The following GALNT17 variants were observed in gnomAD, a reference collection of about 807,000 sequenced individuals.
GALNT17 encodes polypeptide N-acetylgalactosaminyltransferase 17, also known as UDP-GalNAc:polypeptide N-acetylgalactosaminyltransferase-like 3.
In GALNT17, 29 loss-of-function variants were observed where a neutral mutation model predicts 63.7. The ratio of observed to expected loss-of-function variants is 0.46; its 90% CI spans 0.34 to 0.62. GALNT17 has a LOEUF of 0.62. Among genes scored for constraint, GALNT17 ranks in the 20% least tolerant of loss-of-function variants. The pLI is 0.01. For synonymous variants in GALNT17, 305 were observed against 318.3 expected (o/e 0.96, Z 0.45); for missense variants, 603 against 799.6 (o/e 0.75, Z 2.97).
chr7:71,380,281 G>C (rs1213859954), intron 2 of GALNT17, among the ~76,000 whole-genome samples: 1 of 151,914 alleles, frequency 6.6e-6, no homozygotes, highest in Admixed American at 6.6e-5. Context: ...TGTCAATTAA[G>C]CCAATTAAGG....
At chr7:71,138,765 G>GGT (rs1787833103) in intron 1 of GALNT17, among the ~76,000 whole-genome samples, 1 of 152,152 alleles carries the variant, frequency 6.6e-6, no homozygotes, top group South Asian at 2.1e-4. Context: ...CTTGGGCCCA[G>GGT]GAGTTCCAGA....
chr7:71,504,911 CT>C (rs903266423), intron 5 of GALNT17, among the ~76,000 whole-genome samples: 2 of 152,132 alleles, frequency 1.3e-5, no homozygotes, highest in Non-Finnish European at 2.9e-5. Flanking sequence ...CATCTCTCCC[CT>C]GGGTCTCTCT....
At chr7:71,492,976 T>C (rs1788035313) in intron 5 of GALNT17, among the ~76,000 whole-genome samples, 3 of 152,320 alleles carry the variant, frequency 2.0e-5, no homozygotes, top group South Asian at 2.1e-4. Context: ...CTTAGATTTC[T>C]ACTTGTATTC....
At chr7:71,375,750 C>G (rs1469779367) in intron 2 of GALNT17, among the ~76,000 whole-genome samples, 1 of 152,170 alleles carries the variant, frequency 6.6e-6, no homozygotes, top group Non-Finnish European at 1.5e-5. Flanking sequence ...AAGAAACCTA[C>G]TGGGCCAGAC....
intron 5 of GALNT17, among the ~76,000 whole-genome samples, chr7:71,486,293 C>G (rs1271384487): frequency 1.3e-5 from 2 of 150,538 alleles, no homozygotes; most frequent in Non-Finnish European, 2.9e-5. Context: ...GATCACACCA[C>G]TGCACTCCCA....
chr7:71,316,116 C>A (rs184304693), intron 1 of GALNT17, among the ~76,000 whole-genome samples: 3 of 151,694 alleles, frequency 2.0e-5, no homozygotes, highest in Admixed American at 6.6e-5. Context: ...CACCAGACTT[C>A]CCTCTGTGCT....
intron 6 of GALNT17, among the ~76,000 whole-genome samples, chr7:71,636,679 G>A (rs1222682675): frequency 6.6e-6 from 1 of 152,200 alleles, no homozygotes; most frequent in African/African-American, 2.4e-5. Flanking sequence ...TGTATCAAGT[G>A]ACCAGTTTAG....
At chr7:71,652,803 AGAGGTGGTG>A (rs1438378470) in intron 6 of GALNT17, among the ~76,000 whole-genome samples, 1 of 152,198 alleles carries the variant, frequency 6.6e-6, no homozygotes, top group Non-Finnish European at 1.5e-5. Context: ...CACATGCTCC[AGAGGTGGTG>A]GAACATCACT....
At chr7:71,276,015 G>A (rs115178293) in intron 1 of GALNT17, among the ~76,000 whole-genome samples, 99 of 152,256 alleles carry the variant, frequency 6.5e-4, no homozygotes, top group African/African-American at 2.2e-3. Context: ...TATTATTCCT[G>A]GCACTTAATT....
intron 1 of GALNT17, among the ~76,000 whole-genome samples, chr7:71,330,518 C>T (rs1021225249): frequency 1.3e-5 from 2 of 152,208 alleles, no homozygotes; most frequent in African/African-American, 4.8e-5. Flanking sequence ...CCTCCTCAGC[C>T]TCTCAAGGAG....
intron 5 of GALNT17, among the ~76,000 whole-genome samples, chr7:71,522,695 C>T (rs1275349999): frequency 6.6e-6 from 1 of 152,100 alleles, no homozygotes; most frequent in Non-Finnish European, 1.5e-5. Context: ...CATCACAGAC[C>T]ACATCCACCA....
intron 2 of GALNT17, among the ~76,000 whole-genome samples, chr7:71,353,347 A>C (rs556762626): frequency 6.6e-6 from 1 of 152,302 alleles, no homozygotes; most frequent in Non-Finnish European, 1.5e-5. Context: ...TGACCAACCC[A>C]AGAACAAGGG....
At chr7:71,475,687 C>T (rs1787711196) in intron 5 of GALNT17, among the ~76,000 whole-genome samples, 1 of 152,150 alleles carries the variant, frequency 6.6e-6, no homozygotes, top group Non-Finnish European at 1.5e-5. Context: ...TGCTTTAAGC[C>T]ACCTAGTTTG....
intron 5 of GALNT17, among the ~76,000 whole-genome samples, chr7:71,429,280 G>A (rs541289521): frequency 6.6e-6 from 1 of 152,222 alleles, no homozygotes; most frequent in South Asian, 2.1e-4. Context: ...AGGAGGCGTG[G>A]GTGGGCTAAG....
chr7:71,352,435 T>G (rs1393335541), intron 2 of GALNT17, among the ~76,000 whole-genome samples: 1 of 152,072 alleles, frequency 6.6e-6, no homozygotes, highest in Admixed American at 6.6e-5. Context: ...TACTACTGGG[T>G]TTTAGGTTGC....
chr7:71,319,322 G>A (rs773783529), intron 1 of GALNT17, among the ~76,000 whole-genome samples: 3 of 152,034 alleles, frequency 2.0e-5, no homozygotes, highest in Non-Finnish European at 4.4e-5. Context: ...CATCACCAAT[G>A]CATTGGCTTT....
At chr7:71,707,660 T>A (rs1584152250) in intron 9 of GALNT17, among the ~76,000 whole-genome samples, 1 of 152,178 alleles carries the variant, frequency 6.6e-6, no homozygotes, top group South Asian at 2.1e-4. Context: ...AGCTGGCAGG[T>A]TGGCTGAGGG....
chr7:71,661,110 A>G (rs1306146945), intron 6 of GALNT17, among the ~76,000 whole-genome samples: 2 of 152,156 alleles, frequency 1.3e-5, no homozygotes, highest in Non-Finnish European at 2.9e-5. Flanking sequence ...CTGTGGTTAC[A>G]ATGCAGGTCA....
chr7:71,544,297 A>ATTT (rs754061155), intron 5 of GALNT17, among the ~76,000 whole-genome samples: 20 of 116,888 alleles, frequency 1.7e-4, no homozygotes, highest in East Asian at 7.7e-4. Context: ...ACGCCCGGCT[A>ATTT]TTTTTTTTTT....
Sources: allele counts gnomAD v4.1 joint callset (sites outside exome capture counted in the v4.1 genomes callset), GRCh38; gene constraint gnomAD v4.1.1; transcripts MANE v1.5; gene names NCBI Gene and HGNC (gene_info 2026-07-23, HGNC 2026-07-21).